The following CALN1 variants were observed in gnomAD, a reference collection of about 807,000 sequenced individuals.
The protein encoded by CALN1 is calcium-binding protein 8.
A neutral mutation model predicts 30.6 loss-of-function variants in CALN1; 17 were observed. That is an observed-to-expected ratio of 0.56 (90% CI 0.38 to 0.83). The LOEUF is 0.83. Ranked by LOEUF, CALN1 falls within the 40% of genes least tolerant of loss-of-function variation. The pLI, the probability that CALN1 is intolerant of heterozygous loss-of-function variation, is 0.00. For missense variants in CALN1, 291 were observed against 354.9 expected, an observed-to-expected ratio of 0.82 and a Z score of 1.45; for synonymous variants, 156 against 131.4, an observed-to-expected ratio of 1.19 and a Z score of -1.28.
intron 2 of CALN1, among the ~76,000 whole-genome samples, chr7:72,368,535 A>T (rs190721270): frequency 6.6e-6 from 1 of 152,216 alleles, no homozygotes; most frequent in East Asian, 1.9e-4. Context: ...AGAAATGAAA[A>T]TGTCTACTGA....
chr7:71,886,859 C>T (rs971105555), intron 5 of CALN1, among the ~76,000 whole-genome samples: 7 of 151,630 alleles, frequency 4.6e-5, no homozygotes, highest in African/African-American at 9.7e-5. Context: ...AAATGGTGTT[C>T]GCTGCTGAAG....
At chr7:71,788,488 G>GTT (rs1454582383) in intron 6 of CALN1, among the ~76,000 whole-genome samples, 23 of 120,496 alleles carry the variant, frequency 1.9e-4, no homozygotes, top group Middle Eastern at 4.3e-3. Flanking sequence ...GTTTTTTTTT[G>GTT]TTGTTTTTTT....
intron 5 of CALN1, among the ~76,000 whole-genome samples, chr7:71,957,615 T>G (rs1797026154): frequency 6.6e-6 from 1 of 152,152 alleles, no homozygotes; most frequent in African/African-American, 2.4e-5. Context: ...TCAGACAGAT[T>G]AATGCAATTT....
At chr7:71,995,517 C>CAAAAATGTTG (rs1799208418) in intron 5 of CALN1, among the ~76,000 whole-genome samples, 1 of 152,126 alleles carries the variant, frequency 6.6e-6, no homozygotes, top group South Asian at 2.1e-4. Flanking sequence ...TGATACAAAA[C>CAAAAATGTTG]TAAACACAAG....
At chr7:71,820,990 C>T (rs1001872041) in intron 5 of CALN1, among the ~76,000 whole-genome samples, 11 of 152,108 alleles carry the variant, frequency 7.2e-5, no homozygotes, top group African/African-American at 2.4e-4. Context: ...CTGGGTTTTA[C>T]GTTCAGCTGA....
chr7:72,193,369 C>T (rs1790764796), intron 3 of CALN1, among the ~76,000 whole-genome samples: 1 of 151,972 alleles, frequency 6.6e-6, no homozygotes, highest in African/African-American at 2.4e-5. Context: ...AAGACTCAGA[C>T]ATTTCTGTAG....
chr7:72,164,305 C>G (rs1788352978), intron 3 of CALN1, among the ~76,000 whole-genome samples: 2 of 145,928 alleles, frequency 1.4e-5, no homozygotes, highest in Non-Finnish European at 3.0e-5. Context: ...GAGCCAAGAT[C>G]ACGCCATTGC....
chr7:72,158,208 TATC>T (rs2129544654), intron 3 of CALN1, among the ~76,000 whole-genome samples: 1 of 152,344 alleles, frequency 6.6e-6, no homozygotes, highest in African/African-American at 2.4e-5. Context: ...TAGTTTACAT[TATC>T]ATGAGAGATG....
chr7:72,404,372 T>TAATC (rs1258942884), intron 1 of CALN1, among the ~76,000 whole-genome samples: 10 of 152,190 alleles, frequency 6.6e-5, no homozygotes, highest in Non-Finnish European at 1.5e-4. Flanking sequence ...AACACACAGT[T>TAATC]AATCAATGTC....
chr7:71,906,256 C>A (rs1388634250), intron 5 of CALN1, among the ~76,000 whole-genome samples: 3 of 152,174 alleles, frequency 2.0e-5, no homozygotes, highest in Non-Finnish European at 4.4e-5. Flanking sequence ...ATTGTGGAAT[C>A]TGGCAGCAGC....
chr7:71,887,929 G>C (rs1793009782), intron 5 of CALN1, among the ~76,000 whole-genome samples: 1 of 152,064 alleles, frequency 6.6e-6, no homozygotes, highest in Non-Finnish European at 1.5e-5. Context: ...TGCGGGCTTG[G>C]AGGGCATGAT....
intron 4 of CALN1, among the ~76,000 whole-genome samples, chr7:72,065,130 ATATT>A (rs1803931947): frequency 6.7e-6 from 1 of 148,342 alleles, no homozygotes; most frequent in Non-Finnish European, 1.5e-5. Flanking sequence ...TATGTAAAAT[ATATT>A]TATATTTTAA....
upstream of CALN1, among the ~76,000 whole-genome samples, chr7:72,448,390 G>T (rs1808584643): frequency 1.3e-5 from 2 of 152,166 alleles, no homozygotes; most frequent in Non-Finnish European, 1.5e-5. Context: ...GTCAAGGACA[G>T]TTCCTGTGTC....
rs1269490013 is a variant in CALN1, at chr7:72,090,380, A to G, written c.388+15771T>C. ...AAATTAAATTGTAAGATGGTTTTCT[A>G]TAAAATTTATGAAGTAGCAGAGGGA... On this transcript the variant is annotated intron_variant, in intron 4 of 6. Coordinates refer to ENST00000395275, the MANE Select transcript of CALN1 (RefSeq NM_031468.4). Among the ~76,000 whole-genome samples, 12 of 152,240 alleles carry G rather than the reference A, an allele frequency of 7.9e-5. 1 individual carries two copies. Among genetic ancestry groups the G allele is most frequent in the Admixed American group, 3.9e-4 (6 of 15,278 alleles).
intron 2 of CALN1, among the ~76,000 whole-genome samples, chr7:72,289,425 T>C (rs1562844217): frequency 6.6e-6 from 1 of 152,202 alleles, no homozygotes; most frequent in South Asian, 2.1e-4. Context: ...CAAAAGCTCT[T>C]ACACAAAATT....
the CALN1 span, among the ~76,000 whole-genome samples, chr7:72,491,216 G>T: frequency 6.8e-6 from 1 of 147,408 alleles, no homozygotes; most frequent in Non-Finnish European, 1.5e-5. Flanking sequence ...AACAGAGCGA[G>T]ACTCCGTCTC....
Position 72,224,190 on chromosome 7 carries a change from A to G in CALN1, c.244+54496T>C, listed in dbSNP as rs140485171. Among the ~76,000 whole-genome samples, 25 of 152,288 alleles carry G rather than the reference A, an allele frequency of 1.6e-4. No individual in the cohort carries two copies. The East Asian group carries it at 4.8e-3, about 29-fold the overall frequency. On this transcript the variant is annotated intron_variant, in intron 3 of 6. Coordinates refer to ENST00000395275, the MANE Select transcript of CALN1 (RefSeq NM_031468.4). Reference sequence around the variant, plus strand: ...CCCTTGAATCTAAAATAAAAGTTGAAATTATTTTTTAAATTAAAAAATAAA... The same window carrying G: ...CCCTTGAATCTAAAATAAAAGTTGAGATTATTTTTTAAATTAAAAAATAAA...
intron 4 of CALN1, among the ~76,000 whole-genome samples, chr7:72,036,895 G>T (rs11984276): frequency 0.034 from 5,095 of 150,474 alleles, 282 homozygotes; most frequent in African/African-American, 0.11. Flanking sequence ...TGTAATAAGT[G>T]GTATCTCTGG....
chr7:71,830,478 G>C (rs1036588519), intron 5 of CALN1, among the ~76,000 whole-genome samples: 1 of 152,020 alleles, frequency 6.6e-6, no homozygotes, highest in East Asian at 1.9e-4. Context: ...CTCCTGAATG[G>C]CTGGAAGTAC....
Sources: allele counts gnomAD v4.1 joint callset (sites outside exome capture counted in the v4.1 genomes callset), GRCh38; gene constraint gnomAD v4.1.1; transcripts MANE v1.5; gene names NCBI Gene and HGNC (gene_info 2026-07-23, HGNC 2026-07-21).